Variants in ARHGEF3 observed in about 807,000 individuals in gnomAD.
ARHGEF3 encodes the protein 59.8 kDA protein.
ARHGEF3 carries 28 observed loss-of-function variants against 63.2 expected under a neutral mutation model. That is an observed-to-expected ratio of 0.44 (90% CI 0.33 to 0.61). The LOEUF is 0.61. Among genes scored for constraint, ARHGEF3 ranks in the 20% least tolerant of loss-of-function variants. ARHGEF3 has a pLI of 0.03. For missense variants in ARHGEF3, 533 were observed against 659.3 expected, an observed-to-expected ratio of 0.81 and a Z score of 2.10; for synonymous variants, 266 against 254.2, an observed-to-expected ratio of 1.05 and a Z score of -0.44.
intron 4 of ARHGEF3, among the ~76,000 whole-genome samples, chr3:56,811,209 G>A (rs2038051070): frequency 6.6e-6 from 1 of 152,216 alleles, no homozygotes; most frequent in African/African-American, 2.4e-5. Context: ...CTTGGGACTT[G>A]ATTTACAATC....
intron 1 of ARHGEF3, among the ~76,000 whole-genome samples, chr3:57,039,231 C>T (rs1217098491): frequency 6.6e-6 from 1 of 152,208 alleles, no homozygotes; most frequent in Non-Finnish European, 1.5e-5. Context: ...CATCAACCTC[C>T]TGCAAAGCAC....
In ARHGEF3 at chr3:56,902,173, C is replaced by T. The variant is rs997119468; in HGVS notation, c.130-19819G>A. Among the ~76,000 whole-genome samples the T allele has an allele frequency of 9.2e-5, 14 of 152,154 alleles. No homozygotes were observed. The East Asian group carries it at 1.9e-3, about 21-fold the overall frequency. On this transcript the variant is annotated intron_variant, in intron 3 of 12. Transcript: ENST00000338458. ...CACCTTGTTCATCTTCTGCTGGCAA[C>T]GTGCTAAGGGGACTCAAATATTTTG...
intron 2 of ARHGEF3, among the ~76,000 whole-genome samples, chr3:56,992,873 G>A (rs1016889547): frequency 3.3e-5 from 5 of 152,206 alleles, no homozygotes; most frequent in Admixed American, 2.0e-4. Flanking sequence ...TCACTCTGTT[G>A]CCTAGGCTGG....
chr3:56,956,162 A>G (rs963164493), intron 3 of ARHGEF3, among the ~76,000 whole-genome samples: 1 of 151,798 alleles, frequency 6.6e-6, no homozygotes, highest in African/African-American at 2.4e-5. Context: ...TGAAGTCAAC[A>G]TTGCATTGAA....
chr3:56,947,771 A>G (rs929198381), intron 3 of ARHGEF3, among the ~76,000 whole-genome samples: 14 of 152,332 alleles, frequency 9.2e-5, no homozygotes, highest in Middle Eastern at 3.4e-3. Context: ...CTCTGCACCA[A>G]GCAGACCTAA....
chr3:56,904,193 C>T (rs1434661466), intron 3 of ARHGEF3, among the ~76,000 whole-genome samples: 1 of 152,154 alleles, frequency 6.6e-6, no homozygotes, highest in African/African-American at 2.4e-5. Context: ...CCATGCCCAG[C>T]TAACTTTTGT....
At chr3:57,024,134 C>A (rs990344191) in intron 2 of ARHGEF3, among the ~76,000 whole-genome samples, 1 of 152,100 alleles carries the variant, frequency 6.6e-6, no homozygotes, top group Admixed American at 6.5e-5. Flanking sequence ...ACACACAGCA[C>A]TCGGGAACCC....
chr3:57,041,954 A>AC (rs1486581876), intron 1 of ARHGEF3, among the ~76,000 whole-genome samples: 1 of 152,010 alleles, frequency 6.6e-6, no homozygotes, highest in Non-Finnish European at 1.5e-5. Flanking sequence ...CGAGGCCACC[A>AC]CCCCCGAGGG....
At chr3:56,738,819 G>A (rs987235669) in intron 7 of ARHGEF3, among the ~76,000 whole-genome samples, 4 of 152,208 alleles carry the variant, frequency 2.6e-5, no homozygotes, top group Non-Finnish European at 5.9e-5. Context: ...GGCCAGGCAC[G>A]GTGGCTCATG....
chr3:56,967,384 C>CATATTATATATTATATAAT (rs1344184064), intron 2 of ARHGEF3, among the ~76,000 whole-genome samples: 1 of 37,628 alleles, frequency 2.7e-5, no homozygotes, highest in South Asian at 7.6e-4. Context: ...ATATATTATA[C>CATATTATATATTATATAAT]ATATTATATA....
chr3:56,737,475 G>T, intron 7 of ARHGEF3, 120 bp from the exon 8 acceptor site: 11 of 658,872 alleles, frequency 1.7e-5, no homozygotes, highest in African/African-American at 6.0e-5. Context: ...TGTTATCTAA[G>T]TTGCTACTTT....
chr3:56,963,167 TAATA>T (rs1005040755), intron 2 of ARHGEF3, among the ~76,000 whole-genome samples: 1 of 152,086 alleles, frequency 6.6e-6, no homozygotes, highest in Non-Finnish European at 1.5e-5. Context: ...AAAGTGGGGC[TAATA>T]ATCCCTTTTC....
At chr3:56,779,325 G>C (rs2036434942) in intron 1 of ARHGEF3, among the ~76,000 whole-genome samples, 2 of 152,168 alleles carry the variant, frequency 1.3e-5, no homozygotes, top group African/African-American at 4.8e-5. Flanking sequence ...AATGACAGTG[G>C]AGAAAGTGGA....
At chr3:56,799,359 G>A (rs551161803) in intron 1 of ARHGEF3, among the ~76,000 whole-genome samples, 2 of 152,302 alleles carry the variant, frequency 1.3e-5, no homozygotes, top group South Asian at 2.1e-4. Context: ...ATTACACACG[G>A]CCATTAAATG....
Position 56,801,746 on chromosome 3 carries a change from C to T in ARHGEF3, c.53G>A (p.Ser18Asn). ...ACCGCTGGCCGGGGGTAGCTCCAGG[C>T]TGCAGTTCGCTCTCTTGACCGTGAG... is the stretch of plus-strand genomic sequence containing the variant. ...FYLTVKRANCSLELPPASGPA... is the reference protein window; with the variant it reads ...FYLTVKRANCNLELPPASGPA... Residue 18 changes from serine (S) to asparagine (N), a missense_variant, in exon 1 of 10, where the codon AGC (serine) becomes AAC (asparagine). Transcript: ENST00000296315. The T allele has an allele frequency of 1.9e-6, 3 of 1,569,416 alleles. No individual in the cohort carries two copies. The highest frequency in any genetic ancestry group is 2.6e-6 in the Non-Finnish European group (3 of 1,155,818).
intron 4 of ARHGEF3, among the ~76,000 whole-genome samples, chr3:56,813,144 C>A (rs895698749): frequency 5.3e-5 from 8 of 152,118 alleles, no homozygotes; most frequent in African/African-American, 1.9e-4. Flanking sequence ...CCTGCAGGAA[C>A]AAAACAGGCT....
At chr3:57,074,588 A>G in intron 1 of ARHGEF3, 1 of 293,540 alleles carries the variant, frequency 3.4e-6, no homozygotes, top group East Asian at 7.0e-5. Flanking sequence ...TCAATGAAAG[A>G]GTGGGAGGCA....
chr3:56,919,689 C>T (rs2042075345), intron 3 of ARHGEF3, among the ~76,000 whole-genome samples: 1 of 152,198 alleles, frequency 6.6e-6, no homozygotes, highest in African/African-American at 2.4e-5. Context: ...ATTACTGAAA[C>T]CACAGCGACT....
At chr3:56,886,589 G>C (rs1361685197) in intron 3 of ARHGEF3, among the ~76,000 whole-genome samples, 2 of 152,214 alleles carry the variant, frequency 1.3e-5, no homozygotes, top group African/African-American at 4.8e-5. Flanking sequence ...TCAGAAAGCA[G>C]AGAGTGCAAC....
Sources: gnomAD v4.1 joint callset for allele counts (sites outside exome capture counted in the v4.1 genomes callset) on GRCh38, gnomAD v4.1.1 for gene constraint, MANE v1.5 for transcripts, NCBI Gene and HGNC (gene_info 2026-07-23, HGNC 2026-07-21) for gene names.